Variants in SAMD3 observed in about 807,000 individuals in gnomAD.
SAMD3 encodes sterile alpha motif domain containing 3.
SAMD3 carries 63 observed loss-of-function variants against 58.5 expected under a neutral mutation model. The ratio of observed to expected loss-of-function variants is 1.08; its 90% CI spans 0.88 to 1.33. SAMD3 has a LOEUF of 1.33. Ranked by LOEUF, SAMD3 falls within the 40% of genes most tolerant of loss-of-function variation. The pLI, the probability that SAMD3 is intolerant of heterozygous loss-of-function variation, is 0.00. For missense variants in SAMD3, 604 were observed against 608.4 expected, an observed-to-expected ratio of 0.99 and a Z score of 0.08; for synonymous variants, 220 against 210.3, an observed-to-expected ratio of 1.05 and a Z score of -0.40.
chr6:130,340,991 A>G (rs1319691196), intron 1 of SAMD3, among the ~76,000 whole-genome samples: 1 of 152,240 alleles, frequency 6.6e-6, no homozygotes, highest in Non-Finnish European at 1.5e-5. Flanking sequence ...GCAAAAAATG[A>G]TGCCAGAAAC....
At chr6:130,150,818 TCTCCTGCCTCAGC>T (rs2114564728) in intron 9 of SAMD3, among the ~76,000 whole-genome samples, 1 of 152,046 alleles carries the variant, frequency 6.6e-6, no homozygotes, top group Non-Finnish European at 1.5e-5. Context: ...TTCAAGCCAT[TCTCCTGCCTCAGC>T]CTCCTGAGTA....
At chr6:130,352,624 A>G (rs1777711995) in intron 1 of SAMD3, among the ~76,000 whole-genome samples, 1 of 152,208 alleles carries the variant, frequency 6.6e-6, no homozygotes, top group African/African-American at 2.4e-5. Context: ...ATTGAAGAAT[A>G]TGAAAATTTC....
intron 1 of SAMD3, among the ~76,000 whole-genome samples, chr6:130,218,021 G>A (rs1365720216): frequency 1.3e-5 from 2 of 152,160 alleles, no homozygotes; most frequent in East Asian, 1.9e-4. Flanking sequence ...AACAATGTCT[G>A]GGCAATTCTC....
intron 2 of SAMD3, among the ~76,000 whole-genome samples, chr6:130,303,951 G>A (rs1428415547): frequency 2.6e-5 from 4 of 151,438 alleles, no homozygotes; most frequent in South Asian, 4.2e-4. Flanking sequence ...TAAAGTTTTC[G>A]AATTTATAAA....
At chr6:130,247,049 A>G (rs1243969090) in intron 2 of SAMD3, among the ~76,000 whole-genome samples, 1 of 152,226 alleles carries the variant, frequency 6.6e-6, no homozygotes, top group Non-Finnish European at 1.5e-5. Context: ...CTCTCCTTGG[A>G]GAAATGACTG....
chr6:130,283,634 A>G (rs1204351537), intron 2 of SAMD3, among the ~76,000 whole-genome samples: 1 of 152,228 alleles, frequency 6.6e-6, no homozygotes, highest in East Asian at 1.9e-4. Flanking sequence ...ATAATTGTTA[A>G]TCTAGAATAA....
chr6:130,358,571 A>T (rs1437927934), intron 1 of SAMD3, among the ~76,000 whole-genome samples: 1 of 152,184 alleles, frequency 6.6e-6, no homozygotes, highest in Admixed American at 6.5e-5. Flanking sequence ...TTATTTTTTT[A>T]AACTGTTCAT....
At chr6:130,155,262 T>A (rs1423593533) in intron 8 of SAMD3, among the ~76,000 whole-genome samples, 1 of 152,240 alleles carries the variant, frequency 6.6e-6, no homozygotes, top group Non-Finnish European at 1.5e-5. Context: ...GTTACTTTAA[T>A]TCCTACGTTA....
chr6:130,329,335 C>T (rs774905508), intron 1 of SAMD3, among the ~76,000 whole-genome samples: 4 of 150,914 alleles, frequency 2.7e-5, no homozygotes, highest in Non-Finnish European at 5.9e-5. Flanking sequence ...AAACCACATT[C>T]ATTCTGGGGA....
At chr6:130,174,862 C>T (rs1791581138) in intron 8 of SAMD3, among the ~76,000 whole-genome samples, 1 of 152,172 alleles carries the variant, frequency 6.6e-6, no homozygotes, top group African/African-American at 2.4e-5. Context: ...CATACTTTCA[C>T]CCGAGTTTTG....
chr6:130,275,137 C>A (rs1380806205), intron 2 of SAMD3, among the ~76,000 whole-genome samples: 1 of 152,068 alleles, frequency 6.6e-6, no homozygotes, highest in Non-Finnish European at 1.5e-5. Flanking sequence ...TGCCTTAATT[C>A]TGTATTTTTC....
chr6:130,246,368 T>C (rs542649749), intron 2 of SAMD3, among the ~76,000 whole-genome samples: 44 of 152,320 alleles, frequency 2.9e-4, no homozygotes, highest in Non-Finnish European at 5.1e-4. Flanking sequence ...GTTGGAAGTG[T>C]AACCACACAA....
rs567408857 is a variant in SAMD3, at chr6:130,269,037, G to A, written c.-188+43941C>T. Among the ~76,000 whole-genome samples the A allele has an allele frequency of 9.9e-5, 15 of 152,184 alleles. No individual in the cohort carries two copies. In the South Asian group the frequency reaches 2.9e-3, roughly 29 times the overall value. ...GTCAGGTCTGAGGATTATTTGCCTA[G>A]CCCTAGTTCCCGAAGTTTTACTCCT... On this transcript the variant is annotated intron_variant, in intron 2 of 13. Transcript: ENST00000368134.
At chr6:130,149,793 T>C (rs1161174497) in intron 9 of SAMD3, among the ~76,000 whole-genome samples, 2 of 152,134 alleles carry the variant, frequency 1.3e-5, no homozygotes, top group Non-Finnish European at 2.9e-5. Context: ...TGAAATAACC[T>C]GTACACCAAA....
chr6:130,185,618 C>A (rs1447213574), intron 5 of SAMD3, among the ~76,000 whole-genome samples: 1 of 149,162 alleles, frequency 6.7e-6, no homozygotes, highest in South Asian at 2.1e-4. Context: ...TGAGCCACTG[C>A]ATCTGCCCAA....
At chr6:130,292,650 G>A (rs1006396607) in intron 2 of SAMD3, among the ~76,000 whole-genome samples, 7 of 145,708 alleles carry the variant, frequency 4.8e-5, no homozygotes, top group Admixed American at 3.5e-4. Context: ...AGAGAGTCTC[G>A]CTCTGTCGCC....
chr6:130,351,453 G>A (rs1777660799), intron 1 of SAMD3, among the ~76,000 whole-genome samples: 1 of 152,166 alleles, frequency 6.6e-6, no homozygotes, highest in Non-Finnish European at 1.5e-5. Flanking sequence ...AGACATTTAT[G>A]CAGCCAAAAG....
intron 7 of SAMD3, among the ~76,000 whole-genome samples, chr6:130,180,241 C>T (rs939506396): frequency 6.6e-6 from 1 of 151,528 alleles, no homozygotes; most frequent in African/African-American, 2.4e-5. Context: ...CCACCTCAGC[C>T]TCCCAAGTAG....
At chr6:130,308,861 T>G (rs1562513595) in intron 2 of SAMD3, among the ~76,000 whole-genome samples, 1 of 152,186 alleles carries the variant, frequency 6.6e-6, no homozygotes, top group African/African-American at 2.4e-5. Flanking sequence ...ATAGCTGAAA[T>G]TTATTGAGAA....
Sources: allele counts gnomAD v4.1 joint callset (sites outside exome capture counted in the v4.1 genomes callset), GRCh38; gene constraint gnomAD v4.1.1; transcripts MANE v1.5; gene names NCBI Gene and HGNC (gene_info 2026-07-23, HGNC 2026-07-21).